The following MEGF6 variants were observed in gnomAD, a reference collection of about 807,000 sequenced individuals.
MEGF6 encodes the protein multiple EGF like domains 6.
In MEGF6, 184 loss-of-function variants were observed where a neutral mutation model predicts 207.1. The observed-to-expected ratio is 0.89, with a 90% CI of 0.79 to 1.00. MEGF6 has a LOEUF of 1.00. Ranked by LOEUF, MEGF6 falls within the 50% of genes least tolerant of loss-of-function variation. The probability of loss-of-function intolerance (pLI) is 0.00; values close to 1 mark genes in which losing one functional copy is unlikely to be tolerated. For missense variants in MEGF6, 2,282 were observed against 2,202.9 expected (o/e 1.04, Z -0.72); for synonymous variants, 1,038 against 910.0 (o/e 1.14, Z -2.53).
At chr1:3,566,227 T>C (rs1557780943) in intron 4 of MEGF6, among the ~76,000 whole-genome samples, 2 of 152,172 alleles carry the variant, frequency 1.3e-5, no homozygotes, top group Non-Finnish European at 2.9e-5. Context: ...CGGGCCCTGC[T>C]CTGGAATGCC....
intron 4 of MEGF6, among the ~76,000 whole-genome samples, chr1:3,574,738 G>C (rs1643595724): frequency 6.6e-6 from 1 of 152,190 alleles, no homozygotes; most frequent in African/African-American, 2.4e-5. Context: ...CACCTCCCAG[G>C]TTCAATCAAT....
At chr1:3,595,089 T>C (rs1348800126) in intron 3 of MEGF6, among the ~76,000 whole-genome samples, 1 of 151,758 alleles carries the variant, frequency 6.6e-6, no homozygotes, top group Non-Finnish European at 1.5e-5. Context: ...CAGGCTCCTG[T>C]CCTCCGGCAG....
chr1:3,492,890 G>A (rs1025980914), intron 34 of MEGF6, 123 bp from the exon 35 acceptor site: 6 of 1,382,044 alleles, frequency 4.3e-6, no homozygotes, highest in African/African-American at 4.3e-5. Context: ...GCCTGGGTGT[G>A]TGCGGGAGCT....
At chr1:3,606,347 C>G (rs765257781) in intron 1 of MEGF6, among the ~76,000 whole-genome samples, 1 of 152,226 alleles carries the variant, frequency 6.6e-6, no homozygotes, top group African/African-American at 2.4e-5. Flanking sequence ...CCCAAGCCCA[C>G]CAGGGGATGC....
Position 3,524,154 on chromosome 1 carries a change from G to A in MEGF6, c.574C>T (p.Arg192Trp), listed in dbSNP as rs199898758. The change falls in exon 5 of 37, where the codon CGG becomes TGG. Residue 192 changes from arginine (R) to tryptophan (W), a missense_variant. Arg to Trp is a moderately radical substitution (Grantham distance 101). Coordinates refer to ENST00000356575, the MANE Select transcript of MEGF6 (RefSeq NM_001409.4). ...CAGGTCCTGCTGTCAGTGTGGAGCCGGAAGCCGGGCTTGCACTCACAGAGG... is the reference window on the plus strand; with the variant it reads ...CAGGTCCTGCTGTCAGTGTGGAGCCAGAAGCCGGGCTTGCACTCACAGAGG... ...SYLCECKPGF[R>W]LHTDSRTCLA... is the part of the protein sequence containing the mutation. The A allele has an allele frequency of 1.7e-4, 275 of 1,612,686 alleles. No homozygotes were observed. The African/African-American group carries it at 3.0e-3, about 18-fold the overall frequency.
rs1250186177 is a variant in MEGF6 at position 3,560,522 on chromosome 1, G to A, written c.481+19303C>T. On this transcript the variant is annotated intron_variant, in intron 4 of 36. Transcript: ENST00000356575. The surrounding 1 kb of genome is among the most constrained non-coding windows in gnomAD (Gnocchi z 4.0). Reference sequence around the variant, plus strand: ...TGTCTCTACGGTGTGGCCTTTCCCAGCAGTGTGTGGCCTTGGACTGCTGTC... The same window carrying A: ...TGTCTCTACGGTGTGGCCTTTCCCAACAGTGTGTGGCCTTGGACTGCTGTC... Among the ~76,000 whole-genome samples the A allele has an allele frequency of 6.6e-6, 1 of 152,202 alleles. No homozygotes were observed. Among genetic ancestry groups the A allele is most frequent in the Non-Finnish European group, 1.5e-5 (1 of 68,044 alleles).
chr1:3,502,043 GC>G lies in MEGF6; in HGVS notation c.2189-123del, dbSNP rs376798734. ...CCTCACATGGGCTCCTGGCGAGTGT[GC>G]CCCCCCGGCGCCTCCTCACATGGGC... On this transcript the variant is annotated intron_variant, in intron 17 of 36. Transcript: ENST00000356575. 1.5e-5 allele frequency: 20 copies of G among 1,369,398 alleles called. 1 individual carries two copies. The highest frequency in any genetic ancestry group is 1.0e-4 in the African/African-American group (7 of 68,648). The allele number at this position is 1,369,398 out of a possible 1,614,324, so 84.8% of individuals were successfully genotyped here. A position where few individuals can be genotyped will look rare whatever the true frequency, so the allele number is the denominator to read the frequency against.
rs1056355912 is a variant in MEGF6 at position 3,573,714 on chromosome 1, G to T, written c.481+6111C>A. ...TCCTCCCCTCCCACCACTCCCTGGG[G>T]CACAGAGTCTGAGTCTGGCAGCGGC... On this transcript the variant is annotated intron_variant, in intron 4 of 36. Coordinates refer to ENST00000356575, the MANE Select transcript of MEGF6 (RefSeq NM_001409.4). This position sits in a 1 kb window ranked among gnomAD's most constrained non-coding sequence, Gnocchi z 5.1. Among the ~76,000 whole-genome samples, 1 of 152,166 alleles carries T rather than the reference G, an allele frequency of 6.6e-6. No individual in the cohort carries two copies. Among genetic ancestry groups the T allele is most frequent in the African/African-American group, 2.4e-5 (1 of 41,440 alleles).
chr1:3,540,645 G>A (rs1406008627), intron 4 of MEGF6, among the ~76,000 whole-genome samples: 1 of 152,244 alleles, frequency 6.6e-6, no homozygotes, highest in Non-Finnish European at 1.5e-5. Flanking sequence ...CAGCTCCAGA[G>A]GCTGGGAAGT....
the MEGF6 span, among the ~76,000 whole-genome samples, chr1:3,619,966 A>G: frequency 6.6e-6 from 1 of 152,220 alleles, no homozygotes; most frequent in Non-Finnish European, 1.5e-5. Flanking sequence ...AGTGATACGG[A>G]CAATGTCCAG....
At chr1:3,583,341 C>T (rs536558929) in intron 3 of MEGF6, among the ~76,000 whole-genome samples, 52 of 132,046 alleles carry the variant, frequency 3.9e-4, no homozygotes, top group African/African-American at 1.6e-3. Flanking sequence ...CCAGACAACG[C>T]GCAGCCACCA....
intron 13 of MEGF6, 88 bp from the exon 14 acceptor site, chr1:3,508,011 A>G: frequency 6.8e-7 from 1 of 1,470,274 alleles, no homozygotes; most frequent in East Asian, 2.4e-5. Flanking sequence ...TGGGTTTAGA[A>G]GCAGTTGCCT....
chr1:3,534,041 G>A lies in MEGF6; in HGVS notation c.482-9795C>T, dbSNP rs79879644. 4.4e-4 allele frequency among the ~76,000 whole-genome samples: 66 copies of A among 150,622 alleles called. No individual in the cohort carries two copies. In the East Asian group the frequency reaches 0.01, roughly 24 times the overall value. The stretch of plus-strand genomic sequence containing the variant: ...AAGGGCTCCTGCCTCGTGCTGTCTC[G>A]AGGAGGAGGGAGGAGCCCAGGAGCC... On this transcript the variant is annotated intron_variant, in intron 4 of 36. Coordinates refer to ENST00000356575, the MANE Select transcript of MEGF6 (RefSeq NM_001409.4).
chr1:3,543,698 G>A (rs1418731933), intron 4 of MEGF6, among the ~76,000 whole-genome samples: 3 of 152,234 alleles, frequency 2.0e-5, no homozygotes, highest in South Asian at 2.1e-4. Context: ...CGGGTCATCC[G>A]GTCCACGCCT....
In MEGF6 at chr1:3,497,303, G is replaced by A. The variant is rs368794735; in HGVS notation, c.3411C>T (p.Gly1137=). ...CCCCAGTGACGTGGTGGCAGGCAGC[G>A]CCAGGCGGGCAGCTGCAGCGCTGGG... ...ACAQRCSCPP[G]AACHHVTGAC... The change falls in exon 27 of 37, where the codon GGC becomes GGT. Residue 1137 remains glycine, a synonymous_variant. Transcript: ENST00000356575. 12 of 1,551,052 alleles carry A rather than the reference G, an allele frequency of 7.7e-6. No individual in the cohort carries two copies. The highest frequency in any genetic ancestry group is 2.1e-5 in the Admixed American group (1 of 47,626).
At chr1:3,593,659 C>T (rs1235777002) in intron 3 of MEGF6, among the ~76,000 whole-genome samples, 1 of 152,000 alleles carries the variant, frequency 6.6e-6, no homozygotes, top group Non-Finnish European at 1.5e-5. Context: ...CCCCAGAACC[C>T]CTGCCTCAGA....
At chr1:3,595,588 G>A (rs1377141532) in intron 2 of MEGF6, 141 bp from the exon 3 acceptor site, 3 of 675,672 alleles carry the variant, frequency 4.4e-6, no homozygotes, top group African/African-American at 3.6e-5. Flanking sequence ...CCTGGGTGGG[G>A]TGGCTGATGC....
At chr1:3,604,156 A>T (rs1327410812) in intron 1 of MEGF6, among the ~76,000 whole-genome samples, 2 of 152,160 alleles carry the variant, frequency 1.3e-5, no homozygotes, top group Non-Finnish European at 2.9e-5. Flanking sequence ...GTCTCCAGTC[A>T]AGTCCGAGAG....
At chr1:3,507,069 A>G (rs2821006) in intron 14 of MEGF6, among the ~76,000 whole-genome samples, 151,087 of 152,302 alleles carry the variant, frequency 0.99, 74,952 homozygotes, top group Middle Eastern at 1. Flanking sequence ...AGGGAGGCAC[A>G]CTGACAGGGA....
Sources: gnomAD v4.1 joint callset for allele counts (sites outside exome capture counted in the v4.1 genomes callset) on GRCh38, gnomAD v4.1.1 for gene constraint, Gnocchi (gnomAD v3.1) non-coding constraint, MANE v1.5 for transcripts, NCBI Gene and HGNC (gene_info 2026-07-23, HGNC 2026-07-21) for gene names.